IGHMBP2: variants seen among roughly 807,000 people sequenced by gnomAD.
IGHMBP2 encodes DNA-binding protein SMUBP-2.
In IGHMBP2, 81 loss-of-function variants were observed where a neutral mutation model predicts 96.0. The observed-to-expected ratio is 0.84, with a 90% CI of 0.71 to 1.01. IGHMBP2 has a LOEUF of 1.01. IGHMBP2 is among the 50% of genes least tolerant of loss of function. The pLI is 0.00. For missense variants in IGHMBP2, 1,227 were observed against 1,306.3 expected, an observed-to-expected ratio of 0.94 and a Z score of 0.94; for synonymous variants, 557 against 548.9, an observed-to-expected ratio of 1.01 and a Z score of -0.21.
At position 68,939,841 on chromosome 11, in the gene IGHMBP2, G is replaced by A. The variant is rs1205375040; in HGVS notation, c.*110G>A. On this transcript the variant is annotated 3_prime_UTR_variant, in exon 15 of 15. Coordinates refer to ENST00000255078, the MANE Select transcript of IGHMBP2 (RefSeq NM_002180.3). ...CACAGAGGAGCGGAGGGGCCTATGG[G>A]GGAGGAGCGGAGGGCCCTGTTGGGG... 8 of 1,194,840 alleles carry A rather than the reference G, an allele frequency of 6.7e-6. No individual in the cohort carries two copies. In the African/African-American group the frequency reaches 7.7e-5, roughly 11 times the overall value. 74.0% of individuals were successfully genotyped at this position (1,194,840 alleles called of 1,614,324 possible).
chr11:68,915,166 CTTTTTTTTTTTTT>C (rs71043470), intron 6 of IGHMBP2, 143 bp downstream of exon 6: 11,801 of 203,298 alleles, frequency 0.058, 12 homozygotes, highest in Middle Eastern at 0.069. Flanking sequence ...TTGGGCTGCC[CTTTTTTTTTTTTT>C]TTTTTTTTTT....
At chr11:68,935,466 G>T in intron 12 of IGHMBP2, 44 bp downstream of exon 12, 1 of 1,611,840 alleles carries the variant, frequency 6.2e-7, no homozygotes, top group South Asian at 1.1e-5. Flanking sequence ...GCACAGAAGT[G>T]AATTTATTGA....
chr11:68,920,505 C>G (rs926106701), intron 7 of IGHMBP2, among the ~76,000 whole-genome samples: 5 of 152,224 alleles, frequency 3.3e-5, no homozygotes, highest in Non-Finnish European at 7.3e-5. Flanking sequence ...ATTTGAGACA[C>G]GGTCTCACTG....
rs1474534684 is a variant in IGHMBP2, at chr11:68,905,307, T to C, written c.87-762T>C. ...GCTTTTGCAGTTATGTTGAGTTTCT[T>C]AGAATCCCAGCTGTTTCATTTATGG... On this transcript the variant is annotated intron_variant, in intron 1 of 14. Transcript: ENST00000255078. 1.3e-5 allele frequency among the ~76,000 whole-genome samples: 2 copies of C among 152,240 alleles called. 1 individual carries two copies. Among genetic ancestry groups the C allele is most frequent in the East Asian group, 3.8e-4 (2 of 5,200 alleles).
At chr11:68,913,989 A>G (rs868828699) in intron 5 of IGHMBP2, among the ~76,000 whole-genome samples, 58 of 152,284 alleles carry the variant, frequency 3.8e-4, no homozygotes, top group African/African-American at 1.3e-3. Flanking sequence ...CCTCAAACCC[A>G]TCTCCCTGAC....
chr11:68,925,500 A>G (rs1859033039), intron 7 of IGHMBP2, among the ~76,000 whole-genome samples: 1 of 152,156 alleles, frequency 6.6e-6, no homozygotes, highest in Non-Finnish European at 1.5e-5. Context: ...GTTTTAAATC[A>G]GACAGGAGAA....
At chr11:68,909,441 A>C (rs967053816) in intron 4 of IGHMBP2, among the ~76,000 whole-genome samples, 2 of 152,018 alleles carry the variant, frequency 1.3e-5, no homozygotes, top group Admixed American at 6.6e-5. Flanking sequence ...CAGCCTCCCA[A>C]AGTGTTGGGA....
At position 68,914,906 on chromosome 11, in the gene IGHMBP2, G is replaced by T; in HGVS notation, c.795G>T (p.Leu265=). 1 of 1,614,198 alleles carries T rather than the reference G, an allele frequency of 6.2e-7. No individual in the cohort carries two copies. Among genetic ancestry groups the T allele is most frequent in the East Asian group, 2.2e-5 (1 of 44,876 alleles). ...TGTGTAAGCAGCGGATTCTGCGCCT[G>T]GGACACCCTGCCCGCCTCCTGGAGT... ...LALCKQRILR[L]GHPARLLESI... The change falls in exon 6 of 15, where the codon CTG becomes CTT. Residue 265 remains leucine (L), a synonymous_variant. Transcript: ENST00000255078.
At chr11:68,923,841 G>T (rs528565553) in intron 7 of IGHMBP2, among the ~76,000 whole-genome samples, 135 of 152,274 alleles carry the variant, frequency 8.9e-4, no homozygotes, top group South Asian at 7.9e-3. Context: ...TCTCGCAGCA[G>T]ATCTCTGGGG....
chr11:68,926,472 T>C (rs1859075545), intron 7 of IGHMBP2: 1 of 152,058 alleles, frequency 6.6e-6, no homozygotes, highest in East Asian at 1.9e-4. Context: ...GGTTTTACCA[T>C]GTTAGCCAGG....
chr11:68,921,484 A>C (rs1390640834), intron 7 of IGHMBP2, among the ~76,000 whole-genome samples: 3 of 152,122 alleles, frequency 2.0e-5, no homozygotes, highest in Non-Finnish European at 4.4e-5. Context: ...TGTGTCTTCA[A>C]CTCATCATAG....
Position 68,917,718 on chromosome 11 carries a change from CT to C in IGHMBP2, c.913-15del. 6.2e-7 allele frequency: 1 copy of C among 1,601,646 alleles called. No homozygotes were observed. Among genetic ancestry groups the C allele is most frequent in the Non-Finnish European group, 8.5e-7 (1 of 1,169,656 alleles). ...AGTTGGACTGAAGTAAGTGTATCTC[CT>C]TTGTTTTTCTTTATAGGTGAAAAAC... On this transcript the variant is annotated splice_polypyrimidine_tract_variant and intron_variant, in intron 6 of 14. Transcript: ENST00000255078.
intron 8 of IGHMBP2, among the ~76,000 whole-genome samples, chr11:68,932,031 C>T (rs1343296212): frequency 2.3e-5 from 3 of 131,098 alleles, no homozygotes; most frequent in Admixed American, 8.2e-5. Flanking sequence ...TCGGGGAAAA[C>T]ATTGGGTGGC....
intron 4 of IGHMBP2, among the ~76,000 whole-genome samples, chr11:68,910,626 T>C (rs1230608870): frequency 6.6e-6 from 1 of 152,088 alleles, no homozygotes. Flanking sequence ...GCTCACACCT[T>C]TAGTCCCAGC....
intron 6 of IGHMBP2, among the ~76,000 whole-genome samples, chr11:68,916,801 A>G (rs1858690212): frequency 6.6e-6 from 1 of 151,960 alleles, no homozygotes; most frequent in Non-Finnish European, 1.5e-5. Context: ...GAGGTGGTGG[A>G]GGAATATGCA....
chr11:68,917,468 A>G (rs953336307), intron 6 of IGHMBP2, among the ~76,000 whole-genome samples: 1 of 152,234 alleles, frequency 6.6e-6, no homozygotes, highest in Non-Finnish European at 1.5e-5. Flanking sequence ...TGTGCAGGGC[A>G]GGGCTGGTCC....
At chr11:68,912,193 G>A (rs745599675) in intron 5 of IGHMBP2, among the ~76,000 whole-genome samples, 1 of 152,116 alleles carries the variant, frequency 6.6e-6, no homozygotes, top group Admixed American at 6.6e-5. Context: ...GTGCAGGGGC[G>A]GGATCTTGGC....
intron 7 of IGHMBP2, among the ~76,000 whole-genome samples, chr11:68,920,745 C>G (rs1858845754): frequency 6.6e-6 from 1 of 151,908 alleles, no homozygotes; most frequent in Non-Finnish European, 1.5e-5. Context: ...CTGCCTCCCA[C>G]AGTGCTAGGA....
At chr11:68,929,450 C>T in intron 8 of IGHMBP2, 93 bp downstream of exon 8, 1 of 1,192,464 alleles carries the variant, frequency 8.4e-7, no homozygotes, top group Non-Finnish European at 1.2e-6. Flanking sequence ...ACCAGGAGCC[C>T]CTGCGGTGCC....
Sources: gnomAD v4.1 joint callset for allele counts (sites outside exome capture counted in the v4.1 genomes callset) on GRCh38, gnomAD v4.1.1 for gene constraint, MANE v1.5 for transcripts, NCBI Gene and HGNC (gene_info 2026-07-23, HGNC 2026-07-21) for gene names.